The following RALGAPB variants were observed in gnomAD, a reference collection of about 807,000 sequenced individuals.
RALGAPB encodes ral GTPase-activating protein subunit beta.
A neutral mutation model predicts 161.1 loss-of-function variants in RALGAPB; 25 were observed. That is an observed-to-expected ratio of 0.16 (90% CI 0.11 to 0.22). The LOEUF (loss-of-function observed/expected upper bound fraction) is 0.22, where lower values mean the gene tolerates loss of function less well. RALGAPB is among the 10% of genes least tolerant of loss of function. The pLI is 1.00. For synonymous variants in RALGAPB, 629 were observed against 626.1 expected (o/e 1.00, Z -0.07); for missense variants, 1,391 against 1,815.2 (o/e 0.77, Z 4.25).
intron 22 of RALGAPB, among the ~76,000 whole-genome samples, chr20:38,557,011 T>C (rs927172080): frequency 2.6e-5 from 4 of 152,208 alleles, no homozygotes; most frequent in Admixed American, 6.5e-5. Flanking sequence ...AGGAATGTTA[T>C]GTAATTGACT....
rs927249832 is a variant in RALGAPB at position 38,577,898 on chromosome 20, C to T, written c.*2931C>T. The T allele has an allele frequency of 6.6e-6, 1 of 152,132 alleles. No homozygotes were observed. Among genetic ancestry groups the T allele is most frequent in the Admixed American group, 6.6e-5 (1 of 15,252 alleles). 9.4% of individuals were successfully genotyped at this position (152,132 alleles called of 1,614,324 possible). ...AGGCCTTCATGAACGGTTACCTTCT[C>T]CATACACTAGGGAAGCATTTGTCAG... is the stretch of plus-strand genomic sequence containing the variant. On this transcript the variant is annotated 3_prime_UTR_variant, in exon 30 of 30. Coordinates refer to ENST00000262879, the MANE Select transcript of RALGAPB (RefSeq NM_020336.4).
chr20:38,486,117 G>T (rs1393162617), intron 1 of RALGAPB, among the ~76,000 whole-genome samples: 3 of 151,904 alleles, frequency 2.0e-5, no homozygotes, highest in African/African-American at 7.3e-5. Context: ...TTACAGGTGT[G>T]TGACACCATG....
intron 24 of RALGAPB, among the ~76,000 whole-genome samples, chr20:38,564,459 C>T (rs552549210): frequency 4.4e-4 from 67 of 152,202 alleles, no homozygotes; most frequent in Admixed American, 9.8e-4. Context: ...CCAATTTTTT[C>T]GGTGAGAAAT....
chr20:38,541,572 A>G (rs990146319), intron 18 of RALGAPB, among the ~76,000 whole-genome samples: 2 of 152,178 alleles, frequency 1.3e-5, no homozygotes, highest in Admixed American at 6.5e-5. Flanking sequence ...ATTCTCTGCT[A>G]TACCATTTAT....
chr20:38,500,141 C>A (rs1001669444), intron 5 of RALGAPB: 1 of 151,858 alleles, frequency 6.6e-6, no homozygotes, highest in Non-Finnish European at 1.5e-5. Context: ...CTCTTAGGTT[C>A]ATTTTTTTCA....
At position 38,517,757 on chromosome 20, in the gene RALGAPB, G is replaced by A. The variant is rs374194853; in HGVS notation, c.1201-27G>A. ...ATTTTCTCAGACTTTTCATTGGTAT[G>A]GGTGTATTCTTGTGTTCGTCTAATA... is the stretch of plus-strand genomic sequence containing the variant. On this transcript the variant is annotated intron_variant, in intron 8 of 29. Coordinates refer to ENST00000262879, the MANE Select transcript of RALGAPB (RefSeq NM_020336.4). 5 of 1,605,522 alleles carry A rather than the reference G, an allele frequency of 3.1e-6. 1 individual carries two copies. The South Asian group carries it at 5.5e-5, about 18-fold the overall frequency.
At chr20:38,574,107 T>C in intron 28 of RALGAPB, 43 bp from the exon 29 acceptor site, 1 of 1,558,448 alleles carries the variant, frequency 6.4e-7, no homozygotes, top group South Asian at 1.2e-5. Context: ...TCTCGGGGAC[T>C]TCAACTCTTG....
intron 3 of RALGAPB, among the ~76,000 whole-genome samples, chr20:38,494,775 G>A (rs1339083490): frequency 6.6e-6 from 1 of 152,236 alleles, no homozygotes; most frequent in South Asian, 2.1e-4. Context: ...TTTTCTTCGT[G>A]CCTGGGATAG....
chr20:38,511,860 G>A (rs1386127836), intron 6 of RALGAPB, among the ~76,000 whole-genome samples: 1 of 152,150 alleles, frequency 6.6e-6, no homozygotes, highest in Non-Finnish European at 1.5e-5. Flanking sequence ...CTCCTAGACG[G>A]GGTGGCGGCC....
intron 26 of RALGAPB, 26 bp downstream of exon 26, chr20:38,567,258 C>CAA (rs2088038660): frequency 6.2e-7 from 1 of 1,601,278 alleles, no homozygotes; most frequent in Admixed American, 1.7e-5. Flanking sequence ...GATAGGTCTC[C>CAA]AAAATTTTGT....
chr20:38,504,304 A>G (rs944502650), intron 5 of RALGAPB, among the ~76,000 whole-genome samples: 2 of 148,698 alleles, frequency 1.3e-5, no homozygotes, highest in African/African-American at 5.3e-5. Flanking sequence ...CTGATTTTTG[A>G]CAGAGTCAAT....
intron 20 of RALGAPB, 31 bp from the exon 21 acceptor site, chr20:38,551,040 G>A (rs2145436031): frequency 1.9e-6 from 3 of 1,609,682 alleles, no homozygotes; most frequent in South Asian, 1.1e-5. Context: ...TGGACCCTGT[G>A]TAATAAACAT....
chr20:38,505,611 C>T (rs1600880810), intron 5 of RALGAPB, among the ~76,000 whole-genome samples: 1 of 151,684 alleles, frequency 6.6e-6, no homozygotes, highest in East Asian at 1.9e-4. Context: ...AAATTATTAG[C>T]ATCTTTCAGC....
chr20:38,511,253 G>A (rs1396463424), intron 6 of RALGAPB, among the ~76,000 whole-genome samples: 1 of 152,010 alleles, frequency 6.6e-6, no homozygotes. Flanking sequence ...CTCTGCCGAA[G>A]ATGAGAATTG....
rs764607162 is a variant in RALGAPB at position 38,497,529 on chromosome 20, T to A, written c.553+13T>A. 19 of 1,592,250 alleles carry A rather than the reference T, an allele frequency of 1.2e-5. No individual in the cohort carries two copies. Among genetic ancestry groups the A allele is most frequent in the African/African-American group, 5.5e-5 (4 of 73,110 alleles). ...CCAACTGTTCAAGGTTTGTTTATTT[T>A]TTTTTTTCTAATTTATTTCTGAGCT... On this transcript the variant is annotated intron_variant, in intron 4 of 29. Transcript: ENST00000262879.
Position 38,565,373 on chromosome 20 carries a change from G to C in RALGAPB, c.3712G>C (p.Glu1238Gln). 1.2e-6 allele frequency: 2 copies of C among 1,613,400 alleles called. No individual in the cohort carries two copies. Among genetic ancestry groups the C allele is most frequent in the Non-Finnish European group, 1.7e-6 (2 of 1,179,556 alleles). ...TTTCCCAGAAGAAGTGATTTCCTCT[G>C]AAGATATTGGAGCTAGCATTTTCAA... ...EGSQQEVISS[E>Q]DIGASIFNGQ... Residue 1238 changes from glutamate (E) to glutamine (Q), a missense_variant, in exon 25 of 30, where the codon GAA becomes CAA. Around this residue, in one of 3 missense-constraint regions of RALGAPB, gnomAD observed 436 missense variants for 527.0 expected, o/e 0.83. Coordinates refer to ENST00000262879, the MANE Select transcript of RALGAPB (RefSeq NM_020336.4).
chr20:38,499,477 T>G lies in RALGAPB; in HGVS notation c.584T>G (p.Leu195Trp). 6.2e-7 allele frequency: 1 copy of G among 1,611,484 alleles called. No individual in the cohort carries two copies. The highest frequency in any genetic ancestry group is 8.5e-7 in the Non-Finnish European group (1 of 1,178,932). Residue 195 changes from leucine (L) to tryptophan (W), a missense_variant, in exon 5 of 30, where the codon TTG becomes TGG. This residue lies in a region of RALGAPB where 946 missense variants were observed against 1,257.2 expected (regional missense o/e 0.75). Coordinates refer to ENST00000262879, the MANE Select transcript of RALGAPB (RefSeq NM_020336.4). ...ATTGCTGAGAATCTAGCAGAGAAGT[T>G]GATTGGTGTTCTCTTTGAGGTGTGG... is the stretch of plus-strand genomic sequence containing the variant. The part of the protein sequence containing the change: ...GGIAENLAEK[L>W]IGVLFEVWLL...
chr20:38,478,926 T>G (rs2084884971), intron 1 of RALGAPB, among the ~76,000 whole-genome samples: 1 of 152,194 alleles, frequency 6.6e-6, no homozygotes, highest in African/African-American at 2.4e-5. Flanking sequence ...AATTTTTGTA[T>G]TTTTAGTAGA....
Position 38,575,180 on chromosome 20 carries a change from G to T in RALGAPB, c.*213G>T. 1 of 506,664 alleles carries T rather than the reference G, an allele frequency of 2.0e-6. No individual in the cohort carries two copies. The highest frequency in any genetic ancestry group is 3.5e-6 in the Non-Finnish European group (1 of 286,794). The allele number at this position is 506,664 out of a possible 1,614,324, so 31.4% of individuals were successfully genotyped here. ...TCCCAGACACAATCACACTCCTGCT[G>T]ATAATGATGATATACATTTTAGCCA... On this transcript the variant is annotated 3_prime_UTR_variant, in exon 30 of 30. Transcript: ENST00000262879.
Sources: gnomAD v4.1 joint callset for allele counts (sites outside exome capture counted in the v4.1 genomes callset) on GRCh38, gnomAD v4.1.1 for gene constraint, gnomAD v4.1.1 regional missense constraint, MANE v1.5 for transcripts, NCBI Gene and HGNC (gene_info 2026-07-23, HGNC 2026-07-21) for gene names.